CHLSN: variants seen among roughly 807,000 people sequenced by gnomAD.
CHLSN encodes cholesin.
chr7:1,048,556 A>G, the CHLSN span, among the ~76,000 whole-genome samples: 4,135 of 152,130 alleles, frequency 0.027, 136 homozygotes, highest in Non-Finnish European at 0.038. Context: ...GGGGCAGTCC[A>G]TTTCTATTGG....
At chr7:1,010,722 A>G in the CHLSN span, among the ~76,000 whole-genome samples, 2 of 152,116 alleles carry the variant, frequency 1.3e-5, no homozygotes, top group Non-Finnish European at 2.9e-5. Context: ...CTTGCCAGGA[A>G]AGCACAGGCC....
the CHLSN span, among the ~76,000 whole-genome samples, chr7:1,120,262 G>A: frequency 6.6e-6 from 1 of 152,180 alleles, no homozygotes; most frequent in Non-Finnish European, 1.5e-5. Flanking sequence ...CGACCAGTGT[G>A]TGGAGGAGCC....
chr7:991,194 A>C, the CHLSN span, among the ~76,000 whole-genome samples: 7 of 152,118 alleles, frequency 4.6e-5, no homozygotes, highest in Admixed American at 4.6e-4. Flanking sequence ...CACCAAGTAC[A>C]GGGTGATGAG....
At chr7:1,122,699 G>A in the CHLSN span, among the ~76,000 whole-genome samples, 1 of 152,130 alleles carries the variant, frequency 6.6e-6, no homozygotes, top group South Asian at 2.1e-4. Context: ...CGCTCAAGTG[G>A]GAAACCAGGC....
the CHLSN span, among the ~76,000 whole-genome samples, chr7:1,019,211 A>AAGG: frequency 3.9e-4 from 17 of 43,684 alleles, no homozygotes; most frequent in Admixed American, 6.3e-4. Context: ...AAAAAAAAAA[A>AAGG]CGGGGGGGGG....
At chr7:1,028,421 G>GTC in the CHLSN span, 2 of 985,936 alleles carry the variant, frequency 2.0e-6, no homozygotes, top group Non-Finnish European at 2.4e-6. Flanking sequence ...CGGCTGGACC[G>GTC]TGACGCCAGC....
chr7:1,050,866 C>T, the CHLSN span, among the ~76,000 whole-genome samples: 3 of 152,166 alleles, frequency 2.0e-5, no homozygotes, highest in Non-Finnish European at 4.4e-5. Context: ...GAAGGCTTGA[C>T]GCGCAGGGGG....
At chr7:1,089,833 A>C in the CHLSN span, among the ~76,000 whole-genome samples, 1 of 151,442 alleles carries the variant, frequency 6.6e-6, no homozygotes, top group African/African-American at 2.4e-5. Flanking sequence ...CTGTAATCCC[A>C]GCACCGTGGG....
chr7:1,092,600 C>A, the CHLSN span: 22 of 1,611,498 alleles, frequency 1.4e-5, no homozygotes, highest in Non-Finnish European at 1.8e-5. Context: ...CAGCCTGGGG[C>A]CGCTCCCTGC....
chr7:1,002,424 T>G, the CHLSN span, among the ~76,000 whole-genome samples: 1 of 109,384 alleles, frequency 9.1e-6, no homozygotes, highest in African/African-American at 3.6e-5. Context: ...TGGGGAGTCC[T>G]GTGGGTGGGG....
chr7:1,020,903 G>A, the CHLSN span, among the ~76,000 whole-genome samples: 1 of 152,172 alleles, frequency 6.6e-6, no homozygotes, highest in Non-Finnish European at 1.5e-5. Context: ...CAGCAGAGCT[G>A]GGGACTGGGG....
chr7:1,060,407 G>A, the CHLSN span, among the ~76,000 whole-genome samples: 2,627 of 152,252 alleles, frequency 0.017, 74 homozygotes, highest in African/African-American at 0.061. Context: ...GCTGCCCTGA[G>A]CGCCCCGGGG....
At chr7:1,016,531 GCA>G in the CHLSN span, among the ~76,000 whole-genome samples, 3 of 142,540 alleles carry the variant, frequency 2.1e-5, no homozygotes, top group Non-Finnish European at 3.0e-5. Flanking sequence ...GCACACACCA[GCA>G]CAAAGCAGCG....
At chr7:1,044,623 C>T in the CHLSN span, 1 of 151,446 alleles carries the variant, frequency 6.6e-6, no homozygotes, top group Non-Finnish European at 1.5e-5. Flanking sequence ...GCTGCCCGCC[C>T]GGCGGCGACT....
chr7:983,130 G>C, the CHLSN span: 1 of 1,224,824 alleles, frequency 8.2e-7, no homozygotes, highest in Non-Finnish European at 1.1e-6. Flanking sequence ...TGGGGTGCGG[G>C]CACGCCCTCC....
chr7:1,057,771 G>A, the CHLSN span: 13 of 775,616 alleles, frequency 1.7e-5, no homozygotes, highest in Admixed American at 8.5e-5. Context: ...GCACCTGCTC[G>A]GCCCCCCGAG....
the CHLSN span, among the ~76,000 whole-genome samples, chr7:1,051,668 A>G: frequency 2.0e-5 from 3 of 152,170 alleles, no homozygotes; most frequent in African/African-American, 7.2e-5. Context: ...CCTTTTTATG[A>G]GAGTTATTTA....
chr7:1,136,399 AAT>A, the CHLSN span, among the ~76,000 whole-genome samples: 9 of 112,322 alleles, frequency 8.0e-5, 1 homozygote, highest in South Asian at 1.3e-3. Context: ...CATATATATA[AAT>A]ATATATAAAC....
chr7:1,102,340 A>G, the CHLSN span, among the ~76,000 whole-genome samples: 6 of 152,208 alleles, frequency 3.9e-5, no homozygotes, highest in African/African-American at 1.4e-4. Flanking sequence ...AGCTGCGGGC[A>G]GCTCTTGATT....
Sources: gnomAD v4.1 joint callset for allele counts (sites outside exome capture counted in the v4.1 genomes callset) on GRCh38, gnomAD v4.1.1 for gene constraint, MANE v1.5 for transcripts, NCBI Gene and HGNC (gene_info 2026-07-23, HGNC 2026-07-21) for gene names.